The following USH2A variants were observed in gnomAD, a reference collection of about 807,000 sequenced individuals.
USH2A encodes the protein usherin, also known as Usher syndrome 2A (autosomal recessive, mild).
USH2A carries 443 observed loss-of-function variants against 538.9 expected under a neutral mutation model. That is an observed-to-expected ratio of 0.82 (90% CI 0.76 to 0.89). USH2A has a LOEUF of 0.89. Among genes scored for constraint, USH2A ranks in the 40% least tolerant of loss-of-function variants. USH2A has a pLI of 0.00. For synonymous variants in USH2A, 2,413 were observed against 2,273.5 expected (o/e 1.06, Z -1.75); for missense variants, 6,633 against 6,324.8 (o/e 1.05, Z -1.65).
Position 216,385,447 on chromosome 1 carries a change from T to C in USH2A, c.652-20362A>G, listed in dbSNP as rs148003939. On this transcript the variant is annotated intron_variant, in intron 3 of 71. Transcript: ENST00000307340. ...AGTAAAGAAATGAAAGACAGAGAAATAATGGTATGAGAATATGGGAGAAGA... is the reference window on the plus strand; with the variant it reads ...AGTAAAGAAATGAAAGACAGAGAAACAATGGTATGAGAATATGGGAGAAGA... 1.1e-4 allele frequency among the ~76,000 whole-genome samples: 16 copies of C among 152,002 alleles called. No individual in the cohort carries two copies. In the East Asian group the frequency reaches 2.9e-3, roughly 28 times the overall value.
chr1:216,228,921 C>A (rs1381294446), intron 14 of USH2A, among the ~76,000 whole-genome samples: 1 of 152,048 alleles, frequency 6.6e-6, no homozygotes, highest in Non-Finnish European at 1.5e-5. Context: ...AGCCTGTAAT[C>A]CCAGCACTTT....
chr1:216,387,434 A>G (rs910672716), intron 3 of USH2A, among the ~76,000 whole-genome samples: 7 of 152,348 alleles, frequency 4.6e-5, no homozygotes, highest in Middle Eastern at 3.4e-3. Flanking sequence ...TTCAATATAG[A>G]TCAAATGTTT....
chr1:215,786,750 C>T lies in USH2A; in HGVS notation c.10307G>A (p.Gly3436Glu). The T allele has an allele frequency of 6.2e-7, 1 of 1,613,928 alleles. No homozygotes were observed. Among genetic ancestry groups the T allele is most frequent in the Non-Finnish European group, 8.5e-7 (1 of 1,179,948 alleles). ...TVIRGSHNST[G>E]KASIEEMCSS... The stretch of plus-strand genomic sequence containing the variant: ...ACACATTTCTTCAATTGATGCCTTC[C>T]CTGTGGAATTGTGAGACCCTCTTAT... Residue 3436 changes from glycine (G) to glutamate (E), a missense_variant, in exon 52 of 72, where the codon GGG (glycine) becomes GAG (glutamate). By Grantham distance (98) the Gly-to-Glu change is moderately conservative. Transcript: ENST00000307340.
At position 216,324,283 on chromosome 1, in the gene USH2A, T is replaced by C. The variant is rs375252709; in HGVS notation, c.1213A>G (p.Asn405Asp). 2.9e-5 allele frequency: 46 copies of C among 1,613,292 alleles called. No individual in the cohort carries two copies. The South Asian group carries it at 3.2e-4, about 11-fold the overall frequency. Residue 405 changes from asparagine (N) to aspartate (D), a missense_variant, in exon 7 of 72, where the codon AAT becomes GAT. By Grantham distance (23) the Asn-to-Asp change is conservative. Coordinates refer to ENST00000307340, the MANE Select transcript of USH2A (RefSeq NM_206933.4). ...TGCCAGTCCTCCCAATCTAAACTAT[T>C]TTCCTTCTTCCTTTGAATCCTTATT... ...TEIRIQRKKE[N>D]SLDWEDWQYF...
At chr1:215,687,684 A>G (rs1658476526) in intron 61 of USH2A, among the ~76,000 whole-genome samples, 1 of 152,152 alleles carries the variant, frequency 6.6e-6, no homozygotes, top group Non-Finnish European at 1.5e-5. Context: ...CTGATCTATC[A>G]AAATTAAAAA....
At chr1:215,919,979 C>T (rs1011148202) in intron 38 of USH2A, among the ~76,000 whole-genome samples, 5 of 151,946 alleles carry the variant, frequency 3.3e-5, no homozygotes, top group African/African-American at 1.2e-4. Flanking sequence ...TCTCTCTTAA[C>T]TAAAACTCTA....
intron 44 of USH2A, among the ~76,000 whole-genome samples, chr1:215,861,836 C>T (rs1460020285): frequency 2.5e-5 from 3 of 122,172 alleles, no homozygotes; most frequent in South Asian, 2.7e-4. Context: ...TAGTAGTTTT[C>T]GCTTTTTTTT....
intron 30 of USH2A, among the ~76,000 whole-genome samples, chr1:216,050,468 C>A (rs2030710412): frequency 6.6e-6 from 1 of 151,904 alleles, no homozygotes; most frequent in Admixed American, 6.6e-5. Context: ...TATTGCCAGT[C>A]AAGAGCTCTA....
At chr1:216,222,986 A>C (rs1572064725) in intron 14 of USH2A, among the ~76,000 whole-genome samples, 1 of 151,888 alleles carries the variant, frequency 6.6e-6, no homozygotes, top group African/African-American at 2.4e-5. Context: ...CTCAGAAAAA[A>C]AAAAAAAAAA....
chr1:216,163,657 G>T (rs2034110928), intron 21 of USH2A, among the ~76,000 whole-genome samples: 2 of 151,358 alleles, frequency 1.3e-5, no homozygotes, highest in Non-Finnish European at 2.9e-5. Context: ...AGTATAATTA[G>T]TAGTTAAGAA....
intron 4 of USH2A, among the ~76,000 whole-genome samples, chr1:216,331,267 T>C (rs181179969): frequency 1.3e-5 from 2 of 152,240 alleles, no homozygotes; most frequent in East Asian, 3.9e-4. Flanking sequence ...CAGATATTCA[T>C]TGGGATAAAC....
rs570980075 is a variant in USH2A at position 215,644,152 on chromosome 1, C to T, written c.14791+3370G>A. Among the ~76,000 whole-genome samples the T allele has an allele frequency of 1.7e-4, 26 of 152,264 alleles. No homozygotes were observed. In the South Asian group the frequency reaches 2.7e-3, roughly 16 times the overall value. On this transcript the variant is annotated intron_variant, in intron 67 of 71. Coordinates refer to ENST00000307340, the MANE Select transcript of USH2A (RefSeq NM_206933.4). ...ATAAACATGCAGTGTTAGGTGCACT[C>T]GCTTATTCATTAAACAACATTGATT...
intron 47 of USH2A, among the ~76,000 whole-genome samples, chr1:215,833,118 A>G (rs1040240596): frequency 4.3e-4 from 65 of 152,138 alleles, no homozygotes; most frequent in African/African-American, 1.5e-3. Context: ...GATATTGTTA[A>G]GATGTCAATT....
Position 216,365,078 on chromosome 1 carries a change from T to A in USH2A, c.659A>T (p.Gln220Leu). The change falls in exon 4 of 72, where the codon CAG becomes CTG. Residue 220 changes from glutamine (Q) to leucine (L), a missense_variant. By Grantham distance (113) the Gln-to-Leu change is moderately radical (BLOSUM62 -2). Transcript: ENST00000307340. ...KWIHLSVQVHQTKISFFINGV... is the reference protein window; with the variant it reads ...KWIHLSVQVHLTKISFFINGV... Reference sequence around the variant, plus strand: ...ATTGATAAAGAAGCTGATTTTTGTCTGATGCACCTGTAAGAAATTACCACC... The same window carrying A: ...ATTGATAAAGAAGCTGATTTTTGTCAGATGCACCTGTAAGAAATTACCACC... The A allele has an allele frequency of 6.2e-7, 1 of 1,612,308 alleles. No homozygotes were observed. Among genetic ancestry groups the A allele is most frequent in the South Asian group, 1.1e-5 (1 of 90,594 alleles).
At chr1:215,756,944 A>G (rs1478008519) in intron 58 of USH2A, among the ~76,000 whole-genome samples, 1 of 127,180 alleles carries the variant, frequency 7.9e-6, no homozygotes, top group Non-Finnish European at 1.5e-5. Context: ...ACAAACAAAT[A>G]AATAAATAAA....
chr1:216,135,697 CAT>C (rs1229500092), intron 21 of USH2A, among the ~76,000 whole-genome samples: 2 of 152,216 alleles, frequency 1.3e-5, no homozygotes, highest in East Asian at 3.9e-4. Flanking sequence ...AACAATTACA[CAT>C]GATTGGTATG....
chr1:216,155,109 C>T (rs758205046), intron 21 of USH2A, among the ~76,000 whole-genome samples: 3 of 152,114 alleles, frequency 2.0e-5, no homozygotes, highest in Non-Finnish European at 2.9e-5. Context: ...TTGCTTCTAA[C>T]CTTCAAGCTG....
chr1:216,207,958 T>C lies in USH2A; in HGVS notation c.3158-527A>G, dbSNP rs182191023. Among the ~76,000 whole-genome samples, 245 of 150,518 alleles carry C rather than the reference T, an allele frequency of 1.6e-3. 1 individual carries two copies. The highest frequency in any genetic ancestry group is 6.0e-3 in the African/African-American group (239 of 39,912). ...AGCTATGGATGTTAAATAATCTAAA[T>C]ATTATCAAGAAACGATTTGAATATA... On this transcript the variant is annotated intron_variant, in intron 15 of 71. Coordinates refer to ENST00000307340, the MANE Select transcript of USH2A (RefSeq NM_206933.4).
chr1:216,355,375 GAAGGAAAGAAAC>G (rs911605439), intron 4 of USH2A, among the ~76,000 whole-genome samples: 5 of 133,850 alleles, frequency 3.7e-5, no homozygotes, highest in African/African-American at 1.3e-4. Context: ...AAGAAAGAAA[GAAGGAAAGAAAC>G]ATATAGTATA....
Sources: allele counts gnomAD v4.1 joint callset (sites outside exome capture counted in the v4.1 genomes callset), GRCh38; gene constraint gnomAD v4.1.1; transcripts MANE v1.5; gene names NCBI Gene and HGNC (gene_info 2026-07-23, HGNC 2026-07-21).